The following SCN11A variants were observed in gnomAD, a reference collection of about 807,000 sequenced individuals.
The protein encoded by SCN11A is sodium channel protein type 11 subunit alpha.
Under a neutral mutation model 162.2 loss-of-function variants are expected in SCN11A, and 122 were observed. That is an observed-to-expected ratio of 0.75 (90% CI 0.65 to 0.87). The LOEUF is 0.87. Ranked by LOEUF, SCN11A falls within the 40% of genes least tolerant of loss-of-function variation. The pLI, the probability that SCN11A is intolerant of heterozygous loss-of-function variation, is 0.00. For synonymous variants in SCN11A, 758 were observed against 751.5 expected (o/e 1.01, Z -0.14); for missense variants, 2,015 against 2,181.6 (o/e 0.92, Z 1.52).
chr3:38,850,316 A>G (rs563336186), intron 29 of SCN11A, 165 bp downstream of exon 29: 24 of 623,208 alleles, frequency 3.9e-5, no homozygotes, highest in Non-Finnish European at 5.5e-5. Flanking sequence ...TCTCCTAGCA[A>G]CTTCCCAGTA....
rs528354154 is a variant in SCN11A, at chr3:39,013,073, C to T, written c.-280+19307G>A. ...GCTTGATGAGCTGCTATTAGAGGTTCCTGAAAATAAATACCAGGTGACAGT... is the reference window on the plus strand; with the variant it reads ...GCTTGATGAGCTGCTATTAGAGGTTTCTGAAAATAAATACCAGGTGACAGT... On this transcript the variant is annotated intron_variant, in intron 2 of 29. Transcript: ENST00000302328. Among the ~76,000 whole-genome samples, 6 of 152,106 alleles carry T rather than the reference C, an allele frequency of 3.9e-5. No homozygotes were observed. The South Asian group carries it at 1.2e-3, about 32-fold the overall frequency.
intron 28 of SCN11A, among the ~76,000 whole-genome samples, chr3:38,859,324 T>G (rs1177520303): frequency 6.6e-6 from 1 of 151,898 alleles, no homozygotes; most frequent in African/African-American, 2.4e-5. Context: ...CAATTAAAAA[T>G]GATACAGGAG....
At chr3:39,004,730 C>T (rs913227076) in intron 2 of SCN11A, among the ~76,000 whole-genome samples, 4 of 151,944 alleles carry the variant, frequency 2.6e-5, no homozygotes, top group African/African-American at 4.8e-5. Context: ...TTTCATTGTA[C>T]AGAATATGAA....
chr3:38,951,805 G>A (rs2066623132), intron 4 of SCN11A, among the ~76,000 whole-genome samples: 2 of 152,148 alleles, frequency 1.3e-5, no homozygotes, highest in South Asian at 4.1e-4. Flanking sequence ...GGGACGTGGA[G>A]AACCTTTGTA....
rs1487324302 is a variant in SCN11A, at chr3:38,885,369, T to C, written c.2983A>G (p.Ser995Gly). The C allele has an allele frequency of 6.2e-7, 1 of 1,612,340 alleles. No homozygotes were observed. Among genetic ancestry groups the C allele is most frequent in the Non-Finnish European group, 8.5e-7 (1 of 1,178,320 alleles). Reference sequence around the variant, plus strand: ...AAGCCATCCTGAAGATCAATGGTGCTACATTCTGATAGTATACTGGTAACA... The same window carrying C: ...AAGCCATCCTGAAGATCAATGGTGCCACATTCTGATAGTATACTGGTAACA... ...SDVTSILSECSTIDLQDGFGW... is the reference protein window; with the variant it reads ...SDVTSILSECGTIDLQDGFGW... Residue 995 changes from serine to glycine, a missense_variant, in exon 21 of 30, where the codon AGC becomes GGC. Physicochemically the swap from Ser to Gly is moderately conservative, Grantham distance 56. Coordinates refer to ENST00000302328, the MANE Select transcript of SCN11A (RefSeq NM_001349253.2).
chr3:38,923,709 T>C (rs1272239810), intron 9 of SCN11A, among the ~76,000 whole-genome samples: 1 of 152,132 alleles, frequency 6.6e-6, no homozygotes, highest in Non-Finnish European at 1.5e-5. Context: ...TGGTCTCTTG[T>C]GTCAGTTTGG....
At chr3:38,928,835 T>A (rs924369023) in intron 7 of SCN11A, among the ~76,000 whole-genome samples, 3 of 152,194 alleles carry the variant, frequency 2.0e-5, no homozygotes, top group African/African-American at 7.2e-5. Flanking sequence ...GCACTGTTGA[T>A]GAGATTGTAA....
intron 2 of SCN11A, among the ~76,000 whole-genome samples, chr3:39,019,019 C>A (rs1210481339): frequency 6.6e-6 from 1 of 152,068 alleles, no homozygotes; most frequent in Non-Finnish European, 1.5e-5. Flanking sequence ...ATGATAATAA[C>A]CCTTCCCCAA....
intron 28 of SCN11A, among the ~76,000 whole-genome samples, chr3:38,851,003 A>T (rs1330601523): frequency 6.6e-6 from 1 of 152,230 alleles, no homozygotes; most frequent in Non-Finnish European, 1.5e-5. Context: ...TTTTAAAACA[A>T]AAAATATTAA....
At chr3:38,970,747 C>T (rs565876387) in intron 2 of SCN11A, among the ~76,000 whole-genome samples, 1 of 152,198 alleles carries the variant, frequency 6.6e-6, no homozygotes, top group Admixed American at 6.5e-5. Flanking sequence ...CCCTATAACA[C>T]CCCGCATGAT....
At chr3:38,976,607 C>A (rs1293781696) in intron 2 of SCN11A, among the ~76,000 whole-genome samples, 1 of 152,170 alleles carries the variant, frequency 6.6e-6, no homozygotes, top group Non-Finnish European at 1.5e-5. Context: ...CTTTAAAAAT[C>A]TGAAATCCAA....
At chr3:39,021,731 A>C (rs1419863265) in intron 2 of SCN11A, among the ~76,000 whole-genome samples, 1 of 152,182 alleles carries the variant, frequency 6.6e-6, no homozygotes, top group Non-Finnish European at 1.5e-5. Flanking sequence ...AGGATTCTTA[A>C]CTGTTTCTTT....
intron 2 of SCN11A, among the ~76,000 whole-genome samples, chr3:38,961,830 T>C (rs1005216293): frequency 6.6e-6 from 1 of 152,228 alleles, no homozygotes; most frequent in Non-Finnish European, 1.5e-5. Context: ...TCCCACTCTG[T>C]GGGTTGTCTG....
At chr3:38,983,631 C>A (rs1473204045) in intron 2 of SCN11A, among the ~76,000 whole-genome samples, 3 of 152,198 alleles carry the variant, frequency 2.0e-5, no homozygotes, top group Non-Finnish European at 4.4e-5. Context: ...AAGTTAATGA[C>A]AACCTCTACC....
intron 7 of SCN11A, among the ~76,000 whole-genome samples, chr3:38,944,493 A>AT (rs2066486345): frequency 6.6e-6 from 1 of 151,446 alleles, no homozygotes; most frequent in African/African-American, 2.4e-5. Flanking sequence ...CGCCTGGCTA[A>AT]TTTTTTGTAT....
chr3:38,947,039 T>C (rs1186519256), intron 5 of SCN11A, 132 bp from the exon 6 acceptor site: 1 of 614,094 alleles, frequency 1.6e-6, no homozygotes, highest in East Asian at 2.8e-5. Flanking sequence ...TGTGGAATAT[T>C]TACCCAATGG....
intron 14 of SCN11A, among the ~76,000 whole-genome samples, chr3:38,906,674 C>T (rs956934437): frequency 6.6e-6 from 1 of 152,184 alleles, no homozygotes; most frequent in African/African-American, 2.4e-5. Context: ...GTTACTGCAA[C>T]AGCCTCTTAA....
chr3:38,932,714 C>G (rs2066262906), intron 7 of SCN11A, among the ~76,000 whole-genome samples: 3 of 152,332 alleles, frequency 2.0e-5, no homozygotes, highest in Admixed American at 6.5e-5. Context: ...AACAAAGCAG[C>G]CGAGAAGCTC....
intron 2 of SCN11A, among the ~76,000 whole-genome samples, chr3:38,996,288 A>C (rs550021007): frequency 6.6e-6 from 1 of 152,216 alleles, no homozygotes; most frequent in Non-Finnish European, 1.5e-5. Flanking sequence ...CAAAAGACAG[A>C]GCCCAGAAGC....
Sources: gnomAD v4.1 joint callset for allele counts (sites outside exome capture counted in the v4.1 genomes callset) on GRCh38, gnomAD v4.1.1 for gene constraint, MANE v1.5 for transcripts, NCBI Gene and HGNC (gene_info 2026-07-23, HGNC 2026-07-21) for gene names.